The following BANK1 variants were observed in gnomAD, a reference collection of about 807,000 sequenced individuals.
The protein encoded by BANK1 is B cell scaffold protein with ankyrin repeats 1.
A neutral mutation model predicts 94.5 loss-of-function variants in BANK1; 95 were observed. The ratio of observed to expected loss-of-function variants is 1.00; its 90% CI spans 0.85 to 1.19. The LOEUF (loss-of-function observed/expected upper bound fraction) is 1.19, where lower values mean the gene tolerates loss of function less well. Ranked by LOEUF, BANK1 falls within the 50% of genes most tolerant of loss-of-function variation. The pLI, the probability that BANK1 is intolerant of heterozygous loss-of-function variation, is 0.00. For missense variants in BANK1, 987 were observed against 932.2 expected (o/e 1.06, Z -0.77); for synonymous variants, 334 against 308.4 (o/e 1.08, Z -0.87).
At chr4:101,816,705 G>T (rs1430052193) in intron 1 of BANK1, among the ~76,000 whole-genome samples, 1 of 152,028 alleles carries the variant, frequency 6.6e-6, no homozygotes, top group Non-Finnish European at 1.5e-5. Flanking sequence ...ATCCAGAATT[G>T]CCTGAGTCTG....
chr4:102,007,092 A>ATATATTTATATATATAAATATATTATAT lies in BANK1; in HGVS notation c.1207-14422_1207-14421insTATATTTATATATATAAATATATTATAT, dbSNP rs1322128290. Among the ~76,000 whole-genome samples, 9 of 82,298 alleles carry ATATATTTATATATATAAATATATTATAT rather than the reference A, an allele frequency of 1.1e-4. 1 individual carries two copies. The highest frequency in any genetic ancestry group is 3.8e-4 in the African/African-American group (9 of 23,952). 54.0% of individuals were successfully genotyped at this position (82,298 alleles called of 152,430 possible). A position where few individuals can be genotyped will look rare whatever the true frequency, so the allele number is the denominator to read the frequency against. On this transcript the variant is annotated intron_variant, in intron 7 of 16. Coordinates refer to ENST00000322953, the MANE Select transcript of BANK1 (RefSeq NM_017935.5). Reference sequence around the variant, plus strand: ...TTTATATATATATAAATATATATATAATATATTTATATATATATAAATATA... The same window carrying ATATATTTATATATATAAATATATTATAT: ...TTTATATATATATAAATATATATATATATATTTATATATATAAATATATTATATATATATTTATATATATATAAATATA...
chr4:102,066,275 A>AAGAC (rs1382829981), intron 13 of BANK1, among the ~76,000 whole-genome samples: 2 of 149,954 alleles, frequency 1.3e-5, no homozygotes, highest in Non-Finnish European at 3.0e-5. Context: ...TTTTTTTCTC[A>AAGAC]AGACAGAGTC....
chr4:101,984,767 T>C (rs531304854), intron 7 of BANK1, among the ~76,000 whole-genome samples: 1 of 151,946 alleles, frequency 6.6e-6, no homozygotes, highest in Non-Finnish European at 1.5e-5. Context: ...AAAACCATCA[T>C]CCTAGGTTAT....
chr4:101,847,932 C>T (rs1727318131), intron 2 of BANK1, among the ~76,000 whole-genome samples: 1 of 152,154 alleles, frequency 6.6e-6, no homozygotes, highest in African/African-American at 2.4e-5. Context: ...TTCCTTCTCC[C>T]TGTGGAGTTT....
chr4:101,917,389 A>G (rs1722861479), intron 6 of BANK1, among the ~76,000 whole-genome samples: 1 of 152,030 alleles, frequency 6.6e-6, no homozygotes, highest in African/African-American at 2.4e-5. Context: ...TTGATAGTTA[A>G]TAATTATGAA....
intron 7 of BANK1, among the ~76,000 whole-genome samples, chr4:101,962,790 A>G (rs1445762522): frequency 8.5e-5 from 13 of 152,112 alleles, no homozygotes; most frequent in Admixed American, 7.9e-4. Context: ...TAGTGGTTGT[A>G]TAGTGTTCTA....
chr4:101,791,059 C>A (rs1724965767), intron 1 of BANK1, 109 bp downstream of exon 1: 7 of 888,966 alleles, frequency 7.9e-6, no homozygotes, highest in Non-Finnish European at 1.1e-5. Flanking sequence ...GAGGCCAGGG[C>A]GTCCCTGAGA....
intron 11 of BANK1, among the ~76,000 whole-genome samples, chr4:102,045,644 A>T (rs1173651596): frequency 6.6e-6 from 1 of 152,060 alleles, no homozygotes; most frequent in Non-Finnish European, 1.5e-5. Flanking sequence ...CTTATACACC[A>T]ACATCAGACA....
chr4:101,958,357 A>G (rs566251695), intron 7 of BANK1, among the ~76,000 whole-genome samples: 1 of 151,890 alleles, frequency 6.6e-6, no homozygotes, highest in South Asian at 2.1e-4. Flanking sequence ...TAAATTAAAT[A>G]GCTGGGATTT....
chr4:102,057,483 C>T (rs1045619002), intron 11 of BANK1, among the ~76,000 whole-genome samples: 2 of 151,980 alleles, frequency 1.3e-5, no homozygotes, highest in Non-Finnish European at 2.9e-5. Context: ...CTCAGCCTCC[C>T]GAGTAGCTGG....
chr4:101,855,081 A>G lies in BANK1; in HGVS notation c.516A>G (p.Ala172=). ...FEVNIPTDLR[A]KHSGEISERK... is the part of the protein sequence containing the mutation. ...TCAACATTCCAACAGACCTACGAGC[A>G]AAACATTCTGGGGAAATAAGTGAGA... The change falls in exon 3 of 17, where the codon GCA becomes GCG. Residue 172 remains alanine, a synonymous_variant. Transcript: ENST00000322953. 2 of 1,613,638 alleles carry G rather than the reference A, an allele frequency of 1.2e-6. No individual in the cohort carries two copies. The highest frequency in any genetic ancestry group is 8.5e-7 in the Non-Finnish European group (1 of 1,179,600).
chr4:101,992,004 T>C (rs1272294261), intron 7 of BANK1, among the ~76,000 whole-genome samples: 1 of 152,152 alleles, frequency 6.6e-6, no homozygotes, highest in East Asian at 1.9e-4. Context: ...TGTGGGTATG[T>C]AGGACATAAG....
chr4:101,956,976 G>A (rs932390578), intron 7 of BANK1, among the ~76,000 whole-genome samples: 16 of 152,074 alleles, frequency 1.1e-4, no homozygotes, highest in African/African-American at 2.7e-4. Context: ...CCTTGCTGCC[G>A]CTCAGTACAA....
chr4:102,008,425 CAG>C (rs2148940481), intron 7 of BANK1, among the ~76,000 whole-genome samples: 1 of 152,278 alleles, frequency 6.6e-6, no homozygotes, highest in East Asian at 1.9e-4. Flanking sequence ...AACAGCAAAA[CAG>C]AGAGTACTGC....
intron 1 of BANK1, among the ~76,000 whole-genome samples, chr4:101,800,226 C>T (rs1392296516): frequency 6.6e-6 from 1 of 151,434 alleles, no homozygotes; most frequent in Non-Finnish European, 1.5e-5. Context: ...CACATGTATA[C>T]ATATGTAACA....
chr4:102,037,264 C>G (rs1021108715), intron 10 of BANK1, among the ~76,000 whole-genome samples: 1 of 152,164 alleles, frequency 6.6e-6, no homozygotes, highest in Non-Finnish European at 1.5e-5. Flanking sequence ...CACTGGACAG[C>G]CCCATAACAA....
chr4:101,812,184 G>A (rs1017235343), intron 1 of BANK1, among the ~76,000 whole-genome samples: 1 of 151,798 alleles, frequency 6.6e-6, no homozygotes, highest in Non-Finnish European at 1.5e-5. Context: ...AGTCATAGAT[G>A]GGTAAAGAAG....
At chr4:101,805,645 AAAT>A (rs1725525844) in intron 1 of BANK1, among the ~76,000 whole-genome samples, 1 of 149,946 alleles carries the variant, frequency 6.7e-6, no homozygotes, top group Admixed American at 6.7e-5. Flanking sequence ...AATAATATAC[AAAT>A]AAGTTTGTAT....
intron 7 of BANK1, among the ~76,000 whole-genome samples, chr4:101,955,257 C>A (rs905426305): frequency 2.0e-5 from 3 of 152,152 alleles, no homozygotes; most frequent in Non-Finnish European, 4.4e-5. Flanking sequence ...CTTTCTGGCA[C>A]TGGCATTGTA....
Sources: gnomAD v4.1 joint callset for allele counts (sites outside exome capture counted in the v4.1 genomes callset) on GRCh38, gnomAD v4.1.1 for gene constraint, MANE v1.5 for transcripts, NCBI Gene and HGNC (gene_info 2026-07-23, HGNC 2026-07-21) for gene names.